BLVRB: variants seen among roughly 807,000 people sequenced by gnomAD.
BLVRB encodes flavin reductase (NADPH).
BLVRB carries 25 observed loss-of-function variants against 21.1 expected under a neutral mutation model. That is an observed-to-expected ratio of 1.19 (90% CI 0.86 to 1.66). BLVRB has a LOEUF of 1.66. BLVRB is among the 40% of genes most tolerant of loss of function. The pLI, the probability that BLVRB is intolerant of heterozygous loss-of-function variation, is 0.00. For synonymous variants in BLVRB, 128 were observed against 122.2 expected (o/e 1.05, Z -0.31); for missense variants, 274 against 282.7 (o/e 0.97, Z 0.22).
At position 40,465,595 on chromosome 19, in the gene BLVRB, C is replaced by T. The variant is rs755398395; in HGVS notation, c.79+15G>A. The T allele has an allele frequency of 1.9e-6, 3 of 1,607,374 alleles. No individual in the cohort carries two copies. The highest frequency in any genetic ancestry group is 4.5e-5 in the East Asian group (2 of 44,602). ...CGTCTGTCCCGTGACATGCCCCGCCCGCCCCGGCTCATGCCTGCTTGCACC... is the reference window on the plus strand; with the variant it reads ...CGTCTGTCCCGTGACATGCCCCGCCTGCCCCGGCTCATGCCTGCTTGCACC... On this transcript the variant is annotated intron_variant, in intron 1 of 4. Transcript: ENST00000263368.
chr19:40,451,277 G>A, intron 4 of BLVRB, 87 bp downstream of exon 4: 2 of 1,536,076 alleles, frequency 1.3e-6, no homozygotes, highest in Non-Finnish European at 1.8e-6. Flanking sequence ...ATTTTAGGGT[G>A]GTCAGGGAAG....
At position 40,465,689 on chromosome 19, in the gene BLVRB, C is replaced by T. The variant is rs1476245235; in HGVS notation, c.-1G>A. 6.2e-7 allele frequency: 1 copy of T among 1,612,604 alleles called. No homozygotes were observed. The highest frequency in any genetic ancestry group is 2.2e-5 in the East Asian group (1 of 44,870). On this transcript the variant is annotated 5_prime_UTR_variant, in exon 1 of 5. Transcript: ENST00000263368. ...AGATCGCGATCTTCTTGACGGCCAT[C>T]GTACGGGATCGTGGGGGTGCAAGGC...
chr19:40,464,265 T>TG (rs1366505931), intron 1 of BLVRB, among the ~76,000 whole-genome samples: 1 of 151,874 alleles, frequency 6.6e-6, no homozygotes, highest in African/African-American at 2.4e-5. Context: ...TATTTTTTTT[T>TG]TGTATTTTTG....
chr19:40,459,512 A>T (rs1314436051), intron 1 of BLVRB, among the ~76,000 whole-genome samples: 1 of 150,002 alleles, frequency 6.7e-6, no homozygotes, highest in South Asian at 2.2e-4. Flanking sequence ...CAGTGGCACA[A>T]TCTCGGCTCA....
intron 3 of BLVRB, among the ~76,000 whole-genome samples, chr19:40,455,214 G>A (rs1488542240): frequency 6.6e-6 from 1 of 152,044 alleles, no homozygotes; most frequent in African/African-American, 2.4e-5. Context: ...AAGCCCTAAT[G>A]GATAAACTCC....
At chr19:40,455,971 C>A (rs1359418298) in intron 3 of BLVRB, among the ~76,000 whole-genome samples, 1 of 151,488 alleles carries the variant, frequency 6.6e-6, no homozygotes, top group East Asian at 1.9e-4. Context: ...AATTAGCCAG[C>A]CTTATAACCC....
At chr19:40,461,408 T>C (rs2079786899) in intron 1 of BLVRB, among the ~76,000 whole-genome samples, 1 of 152,144 alleles carries the variant, frequency 6.6e-6, no homozygotes, top group African/African-American at 2.4e-5. Flanking sequence ...ATAAAACCCA[T>C]GCTCCTCATG....
chr19:40,450,856 A>G (rs917053848), intron 4 of BLVRB, among the ~76,000 whole-genome samples: 3 of 150,794 alleles, frequency 2.0e-5, no homozygotes, highest in African/African-American at 4.9e-5. Context: ...CTATCTATCT[A>G]TCTATCTATC....
intron 4 of BLVRB, among the ~76,000 whole-genome samples, chr19:40,449,559 AT>A (rs2079729879): frequency 6.6e-6 from 1 of 152,040 alleles, no homozygotes; most frequent in East Asian, 1.9e-4. Context: ...AGTTGGGGAA[AT>A]TTTACTACGG....
chr19:40,458,009 A>G, intron 3 of BLVRB, 146 bp downstream of exon 3: 1 of 782,142 alleles, frequency 1.3e-6, no homozygotes, highest in Non-Finnish European at 2.1e-6. Flanking sequence ...TGTCCCCAGC[A>G]TCACCCAGTA....
chr19:40,448,608 A>ATAACAACAACAAATATATATATATAT (rs1249673226), intron 4 of BLVRB, among the ~76,000 whole-genome samples: 1 of 126,358 alleles, frequency 7.9e-6, no homozygotes, highest in African/African-American at 2.8e-5. Flanking sequence ...AACAACAACA[A>ATAACAACAACAAATATATATATATAT]ATATATATAT....
At chr19:40,459,993 G>A (rs2079779445) in intron 1 of BLVRB, among the ~76,000 whole-genome samples, 1 of 152,126 alleles carries the variant, frequency 6.6e-6, no homozygotes, top group Non-Finnish European at 1.5e-5. Context: ...CCTACAGACT[G>A]ACCAGTGCTG....
At chr19:40,460,657 G>A (rs1178294579) in intron 1 of BLVRB, among the ~76,000 whole-genome samples, 1 of 150,976 alleles carries the variant, frequency 6.6e-6, no homozygotes, top group Non-Finnish European at 1.5e-5. Context: ...AAAAGTTTAG[G>A]CTACTACCTG....
At chr19:40,449,729 C>T (rs1287194537) in intron 4 of BLVRB, among the ~76,000 whole-genome samples, 1 of 152,160 alleles carries the variant, frequency 6.6e-6, no homozygotes, top group East Asian at 1.9e-4. Flanking sequence ...GCCAAATATA[C>T]ATATGCATAT....
Position 40,451,488 on chromosome 19 carries a change from G to A in BLVRB, c.339C>T (p.Phe113=), listed in dbSNP as rs765516382. ...GCACCTTGGTAGGGTCCCAGAGCAG[G>A]AAAGCTGGAGGGAACACAGGGCAGG... The part of the protein sequence containing the change: ...VDKVVACTSA[F]LLWDPTKVPP... The change falls in exon 4 of 5, where the codon TTC becomes TTT. Residue 113 remains phenylalanine (F), a synonymous_variant. Transcript: ENST00000263368. 1 of 1,609,584 alleles carries A rather than the reference G, an allele frequency of 6.2e-7. No homozygotes were observed. Among genetic ancestry groups the A allele is most frequent in the Non-Finnish European group, 8.5e-7 (1 of 1,177,582 alleles).
intron 4 of BLVRB, 123 bp from the exon 5 acceptor site, chr19:40,448,169 C>G (rs1171934966): frequency 1.0e-6 from 1 of 988,702 alleles, no homozygotes; most frequent in Non-Finnish European, 1.5e-6. Context: ...GTGTCACAGC[C>G]AAGAATGGAC....
In BLVRB at chr19:40,454,698, G is replaced by A. The variant is rs62106985; in HGVS notation, c.335-3206C>T. Among the ~76,000 whole-genome samples, 697 of 151,864 alleles carry A rather than the reference G, an allele frequency of 4.6e-3. 2 individuals are homozygous for A. Among genetic ancestry groups the A allele is most frequent in the Non-Finnish European group, 5.8e-3 (391 of 67,954 alleles). ...GTAGCTGGGACTATAGGCACCCGCC[G>A]CCACGCCTGGCTAATTTTTTGTATT... is the stretch of plus-strand genomic sequence containing the variant. On this transcript the variant is annotated intron_variant, in intron 3 of 4. Transcript: ENST00000263368.
chr19:40,448,808 C>T (rs2079726428), intron 4 of BLVRB, among the ~76,000 whole-genome samples: 1 of 151,778 alleles, frequency 6.6e-6, no homozygotes, highest in Non-Finnish European at 1.5e-5. Context: ...AGCTCCTGCC[C>T]TGGCTGGGCA....
At chr19:40,462,892 CAAAAAAA>C (rs56923063) in intron 1 of BLVRB, among the ~76,000 whole-genome samples, 28 of 49,858 alleles carry the variant, frequency 5.6e-4, no homozygotes, top group Non-Finnish European at 8.7e-4. Context: ...ACTCTTGTCT[CAAAAAAA>C]AAAAAAAAAA....
Sources: allele counts gnomAD v4.1 joint callset (sites outside exome capture counted in the v4.1 genomes callset), GRCh38; gene constraint gnomAD v4.1.1; transcripts MANE v1.5; gene names NCBI Gene and HGNC (gene_info 2026-07-23, HGNC 2026-07-21).